The following SLIT2 variants were observed in gnomAD, a reference collection of about 807,000 sequenced individuals.
SLIT2 encodes the protein slit guidance ligand 2, also known as slit homolog 2 protein.
SLIT2 carries 41 observed loss-of-function variants against 185.7 expected under a neutral mutation model. The ratio of observed to expected loss-of-function variants is 0.22; its 90% CI spans 0.17 to 0.29. SLIT2 has a LOEUF of 0.29. Ranked by LOEUF, SLIT2 falls within the 10% of genes least tolerant of loss-of-function variation. SLIT2 has a pLI of 1.00. For missense variants in SLIT2, 1,571 were observed against 1,909.0 expected (o/e 0.82, Z 3.30); for synonymous variants, 693 against 680.2 (o/e 1.02, Z -0.29).
intron 4 of SLIT2, among the ~76,000 whole-genome samples, chr4:20,286,801 C>T (rs668592): frequency 0.13 from 19,119 of 152,198 alleles, 1,259 homozygotes; most frequent in Middle Eastern, 0.19. Flanking sequence ...GACTTCATCT[C>T]TAAGTAAATA....
chr4:20,254,799 G>A lies in SLIT2; in HGVS notation c.179+805G>A, dbSNP rs1577326424. 1.7e-5 allele frequency: 7 copies of A among 407,044 alleles called. No individual in the cohort carries two copies. The highest frequency in any genetic ancestry group is 5.9e-4 in the Middle Eastern group (1 of 1,698). The allele number at this position is 407,044 out of a possible 1,614,324, so 25.2% of individuals were successfully genotyped here. On this transcript the variant is annotated intron_variant, in intron 1 of 36. Coordinates refer to ENST00000504154, the MANE Select transcript of SLIT2 (RefSeq NM_004787.4). This position sits in a 1 kb window ranked among gnomAD's most constrained non-coding sequence, Gnocchi z 5.1. ...CCGGCTGCCCCCTCCGGCCCTTCCTGCTGAACCCCTGCGTCCCCATCCACC... is the reference window on the plus strand; with the variant it reads ...CCGGCTGCCCCCTCCGGCCCTTCCTACTGAACCCCTGCGTCCCCATCCACC...
intron 33 of SLIT2, among the ~76,000 whole-genome samples, chr4:20,602,734 A>G (rs569090752): frequency 2.0e-5 from 3 of 152,166 alleles, no homozygotes; most frequent in Non-Finnish European, 2.9e-5. Flanking sequence ...GATTGTCTGC[A>G]TGTCTTCTCA....
At chr4:20,342,641 T>C (rs1721047395) in intron 4 of SLIT2, among the ~76,000 whole-genome samples, 1 of 152,024 alleles carries the variant, frequency 6.6e-6, no homozygotes, top group Non-Finnish European at 1.5e-5. Flanking sequence ...ATTGATTTAT[T>C]TATTCCTTTT....
intron 4 of SLIT2, among the ~76,000 whole-genome samples, chr4:20,315,211 A>C (rs1265808315): frequency 6.6e-6 from 1 of 152,140 alleles, no homozygotes; most frequent in Non-Finnish European, 1.5e-5. Context: ...TCAAGACAAA[A>C]GTACCAATAT....
intron 29 of SLIT2, among the ~76,000 whole-genome samples, chr4:20,571,653 G>A (rs1232305182): frequency 6.6e-6 from 1 of 152,134 alleles, no homozygotes; most frequent in Non-Finnish European, 1.5e-5. Context: ...TTTGAGTTTG[G>A]AATCTGATTA....
intron 29 of SLIT2, among the ~76,000 whole-genome samples, chr4:20,588,470 A>G (rs1027794885): frequency 5.9e-5 from 9 of 152,368 alleles, no homozygotes; most frequent in Non-Finnish European, 1.3e-4. Flanking sequence ...CGATGCTGTT[A>G]CAAATGACAG....
chr4:20,450,489 G>A (rs911854990), intron 4 of SLIT2, among the ~76,000 whole-genome samples: 2 of 152,114 alleles, frequency 1.3e-5, no homozygotes, highest in Non-Finnish European at 2.9e-5. Context: ...TACCATTGAA[G>A]TAGAAGGGAC....
intron 4 of SLIT2, among the ~76,000 whole-genome samples, chr4:20,381,258 T>TG (rs1553890413): frequency 1.0e-4 from 15 of 149,146 alleles, no homozygotes; most frequent in African/African-American, 3.7e-4. Context: ...TCTCAAAAAA[T>TG]AAAAAAAAAC....
chr4:20,501,624 G>A (rs1412457795), intron 9 of SLIT2, among the ~76,000 whole-genome samples: 1 of 152,158 alleles, frequency 6.6e-6, no homozygotes, highest in Non-Finnish European at 1.5e-5. Flanking sequence ...GCCACACTCA[G>A]TGTACTCCTT....
intron 29 of SLIT2, among the ~76,000 whole-genome samples, chr4:20,570,737 A>ATATATATATATATATATATTTG (rs1725526477): frequency 1.3e-5 from 1 of 77,288 alleles, no homozygotes; most frequent in African/African-American, 6.2e-5. Flanking sequence ...ATATGTATAT[A>ATATATATATATATATATATTTG]TATATATATA....
chr4:20,369,578 G>A (rs539230637), intron 4 of SLIT2, among the ~76,000 whole-genome samples: 1 of 152,154 alleles, frequency 6.6e-6, no homozygotes, highest in East Asian at 1.9e-4. Context: ...TGAGTCCTTG[G>A]ATTGTCCACT....
At chr4:20,550,408 A>G (rs1330551007) in intron 24 of SLIT2, among the ~76,000 whole-genome samples, 4 of 151,796 alleles carry the variant, frequency 2.6e-5, no homozygotes, top group Non-Finnish European at 4.4e-5. Flanking sequence ...CTTATATCTT[A>G]TATAAGTTGC....
chr4:20,543,500 T>C (rs1722996451), intron 21 of SLIT2, among the ~76,000 whole-genome samples: 1 of 152,068 alleles, frequency 6.6e-6, no homozygotes, highest in African/African-American at 2.4e-5. Flanking sequence ...ATTTTTTATC[T>C]ATGTGGAACT....
chr4:20,498,670 T>C (rs868790404), intron 9 of SLIT2, among the ~76,000 whole-genome samples: 18 of 152,164 alleles, frequency 1.2e-4, no homozygotes, highest in African/African-American at 4.3e-4. Flanking sequence ...TGTTTGCTCC[T>C]ATGTCCTCCT....
At chr4:20,414,922 T>G (rs1225359088) in intron 4 of SLIT2, among the ~76,000 whole-genome samples, 1 of 152,174 alleles carries the variant, frequency 6.6e-6, no homozygotes, top group Admixed American at 6.5e-5. Context: ...TTTCATCAAA[T>G]TTTGGAAGTT....
intron 4 of SLIT2, among the ~76,000 whole-genome samples, chr4:20,366,592 C>A (rs1023162083): frequency 3.3e-5 from 5 of 152,004 alleles, no homozygotes; most frequent in African/African-American, 9.7e-5. Flanking sequence ...TATCCCAGAT[C>A]TCCTTTTACC....
chr4:20,605,950 T>C (rs1728768258), intron 33 of SLIT2, among the ~76,000 whole-genome samples: 1 of 151,832 alleles, frequency 6.6e-6, no homozygotes, highest in Admixed American at 6.6e-5. Flanking sequence ...GGTTTCACCA[T>C]ATTGCCCAGG....
chr4:20,597,190 C>T (rs765062748), intron 32 of SLIT2, among the ~76,000 whole-genome samples: 6 of 151,986 alleles, frequency 3.9e-5, no homozygotes, highest in South Asian at 2.1e-4. Context: ...CTCAGCCTCC[C>T]GAGTAGCTGG....
chr4:20,429,110 T>C (rs1728772382), intron 4 of SLIT2, among the ~76,000 whole-genome samples: 1 of 152,188 alleles, frequency 6.6e-6, no homozygotes, highest in Non-Finnish European at 1.5e-5. Flanking sequence ...GGGATCAGGC[T>C]GCCTCTTAAA....
Sources: gnomAD v4.1 joint callset for allele counts (sites outside exome capture counted in the v4.1 genomes callset) on GRCh38, gnomAD v4.1.1 for gene constraint, Gnocchi (gnomAD v3.1) non-coding constraint, MANE v1.5 for transcripts, NCBI Gene and HGNC (gene_info 2026-07-23, HGNC 2026-07-21) for gene names.